Variants in FNDC3B observed in about 807,000 individuals in gnomAD.
FNDC3B encodes the protein fibronectin type III domain-containing protein 3B.
In FNDC3B, 12 loss-of-function variants were observed where a neutral mutation model predicts 151.5. That is an observed-to-expected ratio of 0.08 (90% CI 0.05 to 0.13). The LOEUF is 0.13. Ranked by LOEUF, FNDC3B falls within the 10% of genes least tolerant of loss-of-function variation. The pLI, the probability that FNDC3B is intolerant of heterozygous loss-of-function variation, is 1.00. For missense variants in FNDC3B, 1,214 were observed against 1,505.3 expected, an observed-to-expected ratio of 0.81 and a Z score of 3.20; for synonymous variants, 528 against 549.0, an observed-to-expected ratio of 0.96 and a Z score of 0.54.
chr3:172,249,623 C>G (rs970314363), intron 5 of FNDC3B, among the ~76,000 whole-genome samples: 1 of 152,176 alleles, frequency 6.6e-6, no homozygotes, highest in African/African-American at 2.4e-5. Context: ...AAGATTATTA[C>G]TGCCCATAGT....
chr3:172,073,601 G>T (rs776794222), intron 1 of FNDC3B, among the ~76,000 whole-genome samples: 1 of 152,170 alleles, frequency 6.6e-6, no homozygotes, highest in Non-Finnish European at 1.5e-5. Context: ...GAAATAAAAG[G>T]TAGTTGTGAT....
In FNDC3B at chr3:172,295,211, G is replaced by C. The variant is rs1427472533; in HGVS notation, c.850-152G>C. ...GCAAGAACCATATTTTGGATACCAG[G>C]ACTTTGAAAGAGAGCACCATATAAG... On this transcript the variant is annotated intron_variant, in intron 7 of 25. Transcript: ENST00000415807. 3 of 631,482 alleles carry C rather than the reference G, an allele frequency of 4.8e-6. No homozygotes were observed. In the East Asian group the frequency reaches 8.7e-5, roughly 18 times the overall value. 39.1% of individuals were successfully genotyped at this position (631,482 alleles called of 1,614,324 possible). A position where few individuals can be genotyped will look rare whatever the true frequency, so the allele number is the denominator to read the frequency against.
chr3:172,303,085 A>G (rs1343347179), intron 9 of FNDC3B: 1 of 152,268 alleles, frequency 6.6e-6, no homozygotes, highest in East Asian at 1.9e-4. Context: ...TGTACAAATA[A>G]ATATGTATAC....
intron 11 of FNDC3B, chr3:172,317,343 C>T (rs1186507195): frequency 3.4e-6 from 1 of 291,624 alleles, no homozygotes; most frequent in East Asian, 1.1e-4. Flanking sequence ...GCCACCACGC[C>T]CAGCTAATTT....
chr3:172,277,984 A>C (rs1729520121), intron 6 of FNDC3B, among the ~76,000 whole-genome samples: 1 of 152,142 alleles, frequency 6.6e-6, no homozygotes, highest in African/African-American at 2.4e-5. Flanking sequence ...GGAACTCTTG[A>C]GCCCTCTGGA....
intron 23 of FNDC3B, among the ~76,000 whole-genome samples, chr3:172,377,823 G>A (rs1735232687): frequency 6.6e-6 from 1 of 152,070 alleles, no homozygotes; most frequent in Admixed American, 6.5e-5. Flanking sequence ...AAGCATTTCT[G>A]GCCAAACCGC....
chr3:172,317,476 G>T (rs1310406204), intron 11 of FNDC3B, among the ~76,000 whole-genome samples: 1 of 152,126 alleles, frequency 6.6e-6, no homozygotes. Flanking sequence ...GAGCCACCAC[G>T]CCCGGCCGGG....
intron 9 of FNDC3B, among the ~76,000 whole-genome samples, chr3:172,306,086 C>T (rs1399099472): frequency 6.6e-6 from 1 of 152,074 alleles, no homozygotes; most frequent in Admixed American, 6.5e-5. Context: ...CTATTAGTGC[C>T]TTTGACGTAT....
intron 9 of FNDC3B, among the ~76,000 whole-genome samples, chr3:172,301,141 A>T (rs572382190): frequency 6.6e-6 from 1 of 152,352 alleles, no homozygotes; most frequent in East Asian, 1.9e-4. Flanking sequence ...AATGATAATG[A>T]TACCAGCCTC....
chr3:172,267,547 G>T (rs1020887486), intron 6 of FNDC3B, among the ~76,000 whole-genome samples: 7 of 152,190 alleles, frequency 4.6e-5, no homozygotes, highest in Admixed American at 1.3e-4. Context: ...TGCTGTGGAC[G>T]TGCATGTGTA....
chr3:172,133,439 A>G (rs768189211), intron 2 of FNDC3B, 32 bp from the exon 3 acceptor site: 16 of 1,551,426 alleles, frequency 1.0e-5, no homozygotes, highest in Non-Finnish European at 1.4e-5. Context: ...AGGTTCCAGT[A>G]TTAAACTGAA....
chr3:172,243,936 T>G (rs1458459922), intron 4 of FNDC3B, among the ~76,000 whole-genome samples: 1 of 152,208 alleles, frequency 6.6e-6, no homozygotes. Context: ...TTTCCAAGGC[T>G]CTATGCTTCT....
intron 5 of FNDC3B, among the ~76,000 whole-genome samples, chr3:172,250,165 C>T (rs1456829224): frequency 6.6e-6 from 1 of 151,952 alleles, no homozygotes; most frequent in East Asian, 1.9e-4. Context: ...TAAAGTTTTC[C>T]CCTTGAGATC....
chr3:172,164,229 A>G (rs1376540341), intron 3 of FNDC3B, among the ~76,000 whole-genome samples: 1 of 152,234 alleles, frequency 6.6e-6, no homozygotes, highest in African/African-American at 2.4e-5. Flanking sequence ...TTTTTGTATA[A>G]TAAAATTTAA....
intron 1 of FNDC3B, among the ~76,000 whole-genome samples, chr3:172,095,925 T>C (rs748763533): frequency 1.3e-5 from 2 of 152,238 alleles, no homozygotes; most frequent in African/African-American, 2.4e-5. Flanking sequence ...AGCAGATTGA[T>C]TTCTACAGCA....
chr3:172,363,071 G>A (rs1444012318), intron 23 of FNDC3B, among the ~76,000 whole-genome samples: 1 of 150,936 alleles, frequency 6.6e-6, no homozygotes, highest in Non-Finnish European at 1.5e-5. Flanking sequence ...AGCATAATAT[G>A]CACTTTTTTT....
chr3:172,353,207 G>C, intron 22 of FNDC3B, 124 bp downstream of exon 22: 1 of 924,958 alleles, frequency 1.1e-6, no homozygotes, highest in Non-Finnish European at 1.6e-6. Context: ...CAGATGTCCA[G>C]AGTATTGTCT....
intron 2 of FNDC3B, among the ~76,000 whole-genome samples, chr3:172,119,383 CA>C (rs5854460): frequency 0.71 from 93,160 of 131,822 alleles, 31,113 homozygotes; most frequent in East Asian, 0.74. Context: ...TGTGGCCTAC[CA>C]AAAAAAAAAA....
intron 25 of FNDC3B, among the ~76,000 whole-genome samples, chr3:172,388,754 G>A (rs1235132802): frequency 6.6e-6 from 1 of 152,168 alleles, no homozygotes; most frequent in Non-Finnish European, 1.5e-5. Flanking sequence ...GTTGATTTCT[G>A]CAAGTCCTGT....
Sources: allele counts gnomAD v4.1 joint callset (sites outside exome capture counted in the v4.1 genomes callset), GRCh38; gene constraint gnomAD v4.1.1; transcripts MANE v1.5; gene names NCBI Gene and HGNC (gene_info 2026-07-23, HGNC 2026-07-21).